The following ZNF624 variants were observed in gnomAD, a reference collection of about 807,000 sequenced individuals.
The protein encoded by ZNF624 is zinc finger protein 624.
In ZNF624, 43 loss-of-function variants were observed where a neutral mutation model predicts 74.7. The ratio of observed to expected loss-of-function variants is 0.58; its 90% confidence interval spans 0.45 to 0.74. The LOEUF is 0.74. ZNF624 is among the 30% of genes least tolerant of loss of function. The pLI, the probability that ZNF624 is intolerant of heterozygous loss-of-function variation, is 0.00. For missense variants in ZNF624, 820 were observed against 1,030.0 expected (o/e 0.80, Z 2.79); for synonymous variants, 331 against 341.3 (o/e 0.97, Z 0.33).
intron 4 of ZNF624, among the ~76,000 whole-genome samples, chr17:16,634,262 A>G (rs1363034238): frequency 1.3e-5 from 2 of 152,224 alleles, no homozygotes; most frequent in African/African-American, 4.8e-5. Context: ...AGACATCTCA[A>G]AGGAACTCAA....
In ZNF624 at chr17:16,624,386, C is replaced by G. The variant is rs1909011078; in HGVS notation, c.500G>C (p.Gly167Ala). Residue 167 changes from glycine to alanine, a missense_variant, in exon 6 of 6, where the codon GGG becomes GCG. Transcript: ENST00000311331. Reference sequence around the variant, plus strand: ...TATCCTATCATTCCATTTCCATAACCCTTCCATTCTGGAATCCCACAGACC... The same window carrying G: ...TATCCTATCATTCCATTTCCATAACGCTTCCATTCTGGAATCCCACAGACC... ...ENGLWDSRME[G>A]LWKWNDRILR... 11 of 1,613,820 alleles carry G rather than the reference C, an allele frequency of 6.8e-6. No individual in the cohort carries two copies. Among genetic ancestry groups the G allele is most frequent in the Non-Finnish European group, 9.3e-6 (11 of 1,179,976 alleles).
chr17:16,630,505 C>T (rs140600601), intron 5 of ZNF624, among the ~76,000 whole-genome samples: 4,746 of 152,048 alleles, frequency 0.031, 106 homozygotes, highest in Non-Finnish European at 0.05. Context: ...TGCAGTGAGC[C>T]GAGATCACGC....
At position 16,622,010 on chromosome 17, in the gene ZNF624, C is replaced by T. The variant is rs879941581; in HGVS notation, c.*278G>A. 16 of 221,252 alleles carry T rather than the reference C, an allele frequency of 7.2e-5. No homozygotes were observed. In the Admixed American group the frequency reaches 8.4e-4, roughly 12 times the overall value. The allele number at this position is 221,252 out of a possible 1,614,324, so 13.7% of individuals were successfully genotyped here. A position where few individuals can be genotyped will look rare whatever the true frequency, so the allele number is the denominator to read the frequency against. On this transcript the variant is annotated 3_prime_UTR_variant, in exon 6 of 6. Coordinates refer to ENST00000311331, the MANE Select transcript of ZNF624 (RefSeq NM_020787.4). Reference sequence around the variant, plus strand: ...ACAGATAAATGAATAGAAAAATAGGCAAATACATATATAGGCAATTAACTA... The same window carrying T: ...ACAGATAAATGAATAGAAAAATAGGTAAATACATATATAGGCAATTAACTA...
At chr17:16,620,481 C>G (rs1908881711), downstream of ZNF624, among the ~76,000 whole-genome samples, 1 of 152,168 alleles carries the variant, frequency 6.6e-6, no homozygotes, top group Admixed American at 6.5e-5. Context: ...GTCTTCTGGT[C>G]TACAGCCTGG....
chr17:16,637,125 T>C (rs6502517), intron 3 of ZNF624, among the ~76,000 whole-genome samples: 49,203 of 151,914 alleles, frequency 0.32, 10,507 homozygotes, highest in African/African-American at 0.6. Flanking sequence ...TTCACAATTG[T>C]TTCAAAGAGA....
the ZNF624 span, among the ~76,000 whole-genome samples, chr17:16,614,522 TTGAC>T: frequency 6.6e-6 from 1 of 152,218 alleles, no homozygotes; most frequent in Non-Finnish European, 1.5e-5. Flanking sequence ...TATCAAATCA[TTGAC>T]TACATAGCTA....
chr17:16,644,501 T>C (rs756536711), intron 3 of ZNF624, among the ~76,000 whole-genome samples: 1 of 152,176 alleles, frequency 6.6e-6, no homozygotes, highest in Non-Finnish European at 1.5e-5. Context: ...AAACCTAATA[T>C]ATAATACCCA....
At chr17:16,633,785 T>G (rs1188289900) in intron 5 of ZNF624, 77 bp downstream of exon 5, 6 of 1,140,638 alleles carry the variant, frequency 5.3e-6, no homozygotes, top group Non-Finnish European at 7.8e-6. Flanking sequence ...CAAAATTATT[T>G]CAGATGTTCT....
At chr17:16,633,259 A>C (rs1909246725) in intron 5 of ZNF624, among the ~76,000 whole-genome samples, 1 of 152,192 alleles carries the variant, frequency 6.6e-6, no homozygotes, top group African/African-American at 2.4e-5. Context: ...TAGCTGCTAT[A>C]GCCCTTGTAC....
At chr17:16,639,514 C>T (rs1336911607) in intron 3 of ZNF624, among the ~76,000 whole-genome samples, 1 of 152,052 alleles carries the variant, frequency 6.6e-6, no homozygotes, top group East Asian at 1.9e-4. Context: ...AGAAGGCCCT[C>T]ATCTCTCATC....
In ZNF624 at chr17:16,622,236, T is replaced by C. The variant is rs892399904; in HGVS notation, c.*52A>G. On this transcript the variant is annotated 3_prime_UTR_variant, in exon 6 of 6. Transcript: ENST00000311331. ...TTTTCCTATATTCATAAAATATAGT[T>C]TATAAGATTCATCTTGTGGAGTTGA... The C allele has an allele frequency of 2.2e-6, 3 of 1,376,358 alleles. No individual in the cohort carries two copies. The African/African-American group carries it at 4.3e-5, about 20-fold the overall frequency. 85.3% of individuals were successfully genotyped at this position (1,376,358 alleles called of 1,614,324 possible). A position where few individuals can be genotyped will look rare whatever the true frequency, so the allele number is the denominator to read the frequency against.
chr17:16,635,424 T>C (rs930281455), intron 3 of ZNF624, among the ~76,000 whole-genome samples: 19 of 152,048 alleles, frequency 1.2e-4, no homozygotes, highest in Non-Finnish European at 1.5e-5. Flanking sequence ...CTTTGAATAT[T>C]TGTTTTGTAG....
intron 3 of ZNF624, among the ~76,000 whole-genome samples, chr17:16,641,271 C>A (rs954157921): frequency 4.7e-4 from 71 of 151,674 alleles, no homozygotes; most frequent in Non-Finnish European, 2.2e-4. Flanking sequence ...TTTTCTTTTT[C>A]TTTCTTTCTC....
chr17:16,619,569 C>G (rs1162959727), downstream of ZNF624, among the ~76,000 whole-genome samples: 1 of 152,176 alleles, frequency 6.6e-6, no homozygotes, highest in East Asian at 1.9e-4. Context: ...AAAGCCAACA[C>G]ATATCGAAAG....
intron 5 of ZNF624, among the ~76,000 whole-genome samples, chr17:16,628,627 C>T (rs1287648127): frequency 5.3e-5 from 8 of 151,924 alleles, no homozygotes; most frequent in African/African-American, 9.7e-5. Context: ...AACTTGCAAA[C>T]GTTAGAAAAG....
At chr17:16,652,400 C>A (rs1299830351) in intron 1 of ZNF624, among the ~76,000 whole-genome samples, 1 of 152,070 alleles carries the variant, frequency 6.6e-6, no homozygotes, top group Non-Finnish European at 1.5e-5. Context: ...TTCCGAAGGT[C>A]TAGAGTAATG....
chr17:16,625,544 C>A (rs924194797), intron 5 of ZNF624, among the ~76,000 whole-genome samples: 1 of 152,168 alleles, frequency 6.6e-6, no homozygotes, highest in Non-Finnish European at 1.5e-5. Context: ...CTCAAATTCA[C>A]TGGCAGAGTA....
intron 3 of ZNF624, among the ~76,000 whole-genome samples, chr17:16,635,148 T>C (rs1909297339): frequency 6.6e-6 from 1 of 152,222 alleles, no homozygotes; most frequent in Non-Finnish European, 1.5e-5. Flanking sequence ...AACCCTGGCT[T>C]ATCTAAAATA....
At chr17:16,649,807 G>T in intron 1 of ZNF624, 61 bp from the exon 2 acceptor site, 1 of 1,382,942 alleles carries the variant, frequency 7.2e-7, no homozygotes, top group Non-Finnish European at 1.0e-6. Context: ...GACTCACCAA[G>T]TTGGAATCCT....
Sources: gnomAD v4.1 joint callset for allele counts (sites outside exome capture counted in the v4.1 genomes callset) on GRCh38, gnomAD v4.1.1 for gene constraint, MANE v1.5 for transcripts, NCBI Gene and HGNC (gene_info 2026-07-23, HGNC 2026-07-21) for gene names.